Variants in EGFLAM observed in about 807,000 individuals in gnomAD.
EGFLAM encodes pikachurin.
In EGFLAM, 79 loss-of-function variants were observed where a neutral mutation model predicts 113.1. That is an observed-to-expected ratio of 0.70 (90% confidence interval 0.58 to 0.84). The LOEUF is 0.84. EGFLAM is among the 40% of genes least tolerant of loss of function. The probability of loss-of-function intolerance (pLI) is 0.00; values close to 1 mark genes in which losing one functional copy is unlikely to be tolerated. For missense variants in EGFLAM, 1,265 were observed against 1,291.6 expected, an observed-to-expected ratio of 0.98 and a Z score of 0.32; for synonymous variants, 504 against 487.6, an observed-to-expected ratio of 1.03 and a Z score of -0.44.
Position 38,321,817 on chromosome 5 carries a change from C to A in EGFLAM, c.98-15703C>A, listed in dbSNP as rs148904531. On this transcript the variant is annotated intron_variant, in intron 1 of 21. Coordinates refer to ENST00000322350, the MANE Select transcript of EGFLAM (RefSeq NM_152403.4). ...GTGACACTCAGAGGTGCAGACCTACCCCTGACACTGGTGCATGGAGCACAA... is the reference window on the plus strand; with the variant it reads ...GTGACACTCAGAGGTGCAGACCTACACCTGACACTGGTGCATGGAGCACAA... Among the ~76,000 whole-genome samples the A allele has an allele frequency of 9.2e-3, 1,403 of 152,286 alleles. 9 individuals are homozygous for A. The highest frequency in any genetic ancestry group is 0.012 in the Non-Finnish European group (844 of 68,012).
intron 1 of EGFLAM, among the ~76,000 whole-genome samples, chr5:38,313,253 A>T (rs921768547): frequency 3.3e-5 from 5 of 152,248 alleles, no homozygotes; most frequent in Non-Finnish European, 5.9e-5. Flanking sequence ...GAGGCTCTAC[A>T]TAATTTTATA....
At chr5:38,292,657 G>A (rs1758364987) in intron 1 of EGFLAM, among the ~76,000 whole-genome samples, 1 of 152,200 alleles carries the variant, frequency 6.6e-6, no homozygotes, top group African/African-American at 2.4e-5. Context: ...GGCAATTTAA[G>A]TATACTATGC....
chr5:38,344,228 G>GTAATCCCA (rs1173645198), intron 3 of EGFLAM, among the ~76,000 whole-genome samples: 2 of 152,246 alleles, frequency 1.3e-5, no homozygotes, highest in African/African-American at 4.8e-5. Flanking sequence ...GCCCACGCCT[G>GTAATCCCA]TAATCCCAGC....
intron 12 of EGFLAM, among the ~76,000 whole-genome samples, chr5:38,420,375 T>A (rs376118457): frequency 1.3e-4 from 20 of 152,344 alleles, no homozygotes; most frequent in African/African-American, 4.3e-4. Context: ...GGACAATGTC[T>A]CCAAAATCCA....
intron 6 of EGFLAM, chr5:38,401,125 G>A (rs561663350): frequency 6.6e-6 from 1 of 152,244 alleles, no homozygotes; most frequent in Admixed American, 6.5e-5. Flanking sequence ...AGAGAATCCA[G>A]GATTATTTCC....
intron 6 of EGFLAM, among the ~76,000 whole-genome samples, chr5:38,404,504 G>A (rs1310149193): frequency 1.3e-5 from 2 of 152,198 alleles, no homozygotes; most frequent in Non-Finnish European, 2.9e-5. Context: ...ATCAGTTTAT[G>A]GTACTTTTGT....
chr5:38,291,963 C>T (rs1200068912), intron 1 of EGFLAM, among the ~76,000 whole-genome samples: 3 of 152,180 alleles, frequency 2.0e-5, no homozygotes, highest in East Asian at 1.9e-4. Flanking sequence ...ATGGCCCCAG[C>T]CTCGTCCATG....
rs11952178 is a variant in EGFLAM, at chr5:38,365,926, C to A, written c.546-4370C>A. ...CCCAGTTTTGCTTTAATATAGTCAA[C>A]GAGGCCCAGTTCATCCCTTCCAAGG... On this transcript the variant is annotated intron_variant, in intron 5 of 21. Coordinates refer to ENST00000322350, the MANE Select transcript of EGFLAM (RefSeq NM_152403.4). Among the ~76,000 whole-genome samples, 281 of 152,176 alleles carry A rather than the reference C, an allele frequency of 1.8e-3. 1 individual carries two copies. The highest frequency in any genetic ancestry group is 6.4e-3 in the African/African-American group (264 of 41,528).
chr5:38,432,091 A>G (rs1003294960), intron 15 of EGFLAM, among the ~76,000 whole-genome samples: 1 of 152,200 alleles, frequency 6.6e-6, no homozygotes, highest in Non-Finnish European at 1.5e-5. Context: ...GCCTGCTAGG[A>G]TTCTGCGAAC....
rs566389266 is a variant in EGFLAM at position 38,406,126 on chromosome 5, G to A, written c.713G>A (p.Cys238Tyr). The A allele has an allele frequency of 5.6e-6, 9 of 1,613,586 alleles. No individual in the cohort carries two copies. The African/African-American group carries it at 1.2e-4, about 22-fold the overall frequency. ...SWPSDIIRTL[C>Y]PEEAGSGRYG... is the part of the protein sequence containing the mutation. ...GGGTGTGCTGCTTTTCTTTGTGAAG[G>A]CCCTGAGGAGGCGGGAAGTGGCCGC... Residue 238 changes from cysteine (C) to tyrosine (Y), a missense_variant and splice_region_variant, in exon 7 of 22, where the codon TGC becomes TAC. Cys to Tyr is a radical substitution (Grantham distance 194). Coordinates refer to ENST00000322350, the MANE Select transcript of EGFLAM (RefSeq NM_152403.4).
At chr5:38,342,085 C>T (rs1044227776) in intron 3 of EGFLAM, among the ~76,000 whole-genome samples, 2 of 152,204 alleles carry the variant, frequency 1.3e-5, no homozygotes, top group Admixed American at 1.3e-4. Context: ...GCATCTCCCT[C>T]TTGCTGATTA....
At chr5:38,435,929 TGCCTTA>T (rs1742333169) in intron 16 of EGFLAM, among the ~76,000 whole-genome samples, 2 of 150,010 alleles carry the variant, frequency 1.3e-5, no homozygotes, top group African/African-American at 4.9e-5. Flanking sequence ...GCGATTCTCC[TGCCTTA>T]GCCTCCCGAA....
At chr5:38,284,618 C>T (rs1758107242) in intron 1 of EGFLAM, among the ~76,000 whole-genome samples, 1 of 152,196 alleles carries the variant, frequency 6.6e-6, no homozygotes, top group African/African-American at 2.4e-5. Flanking sequence ...TCTATGGTCT[C>T]CTCATTCATC....
chr5:38,463,025 C>G lies in EGFLAM; in HGVS notation c.2875+14C>G. 1.9e-6 allele frequency: 3 copies of G among 1,606,990 alleles called. No homozygotes were observed. Among genetic ancestry groups the G allele is most frequent in the Non-Finnish European group, 2.6e-6 (3 of 1,174,884 alleles). ...CTCTGTATGTGGGTAAGTGACCGACCCTCGACCAAAGCAAAATTAGGCCAG... is the reference window on the plus strand; with the variant it reads ...CTCTGTATGTGGGTAAGTGACCGACGCTCGACCAAAGCAAAATTAGGCCAG... On this transcript the variant is annotated intron_variant, in intron 21 of 21. Transcript: ENST00000322350.
intron 1 of EGFLAM, among the ~76,000 whole-genome samples, chr5:38,270,221 C>G (rs1342892404): frequency 6.6e-6 from 1 of 152,180 alleles, no homozygotes; most frequent in East Asian, 1.9e-4. Context: ...GCAGCTGTTG[C>G]AGCTGGAGGA....
intron 18 of EGFLAM, 36 bp from the exon 19 acceptor site, chr5:38,451,279 G>GT: frequency 6.2e-7 from 1 of 1,600,760 alleles, no homozygotes; most frequent in Non-Finnish European, 8.5e-7. Context: ...GATGTTGGTG[G>GT]TTGATTTGGT....
At chr5:38,427,668 T>C (rs539970194) in intron 14 of EGFLAM, among the ~76,000 whole-genome samples, 1 of 152,194 alleles carries the variant, frequency 6.6e-6, no homozygotes, top group Non-Finnish European at 1.5e-5. Context: ...AAAAAAGTAT[T>C]AACAAATATT....
intron 6 of EGFLAM, chr5:38,401,961 G>A (rs1741128613): frequency 6.6e-6 from 1 of 152,212 alleles, no homozygotes; most frequent in South Asian, 2.1e-4. Context: ...ACTTTGTGGA[G>A]TCACCATTTT....
chr5:38,445,881 C>A (rs1391109134), intron 17 of EGFLAM, among the ~76,000 whole-genome samples: 2 of 152,180 alleles, frequency 1.3e-5, no homozygotes, highest in Admixed American at 6.5e-5. Flanking sequence ...GCTGAGCCGG[C>A]AGCTGCTGGG....
Sources: allele counts gnomAD v4.1 joint callset (sites outside exome capture counted in the v4.1 genomes callset), GRCh38; gene constraint gnomAD v4.1.1; transcripts MANE v1.5; gene names NCBI Gene and HGNC (gene_info 2026-07-23, HGNC 2026-07-21).